The following FBXL17 variants were observed in gnomAD, a reference collection of about 807,000 sequenced individuals.
FBXL17 encodes the protein F-box and leucine rich repeat protein 17.
FBXL17 carries 22 observed loss-of-function variants against 66.2 expected under a neutral mutation model. The ratio of observed to expected loss-of-function variants is 0.33; its 90% CI spans 0.24 to 0.47. The LOEUF (loss-of-function observed/expected upper bound fraction) is 0.47. Ranked by LOEUF, FBXL17 falls within the 20% of genes least tolerant of loss-of-function variation. FBXL17 has a pLI of 1.00. For synonymous variants in FBXL17, 474 were observed against 400.5 expected, an observed-to-expected ratio of 1.18 and a Z score of -2.19; for missense variants, 878 against 948.2, an observed-to-expected ratio of 0.93 and a Z score of 0.97.
intron 7 of FBXL17, among the ~76,000 whole-genome samples, chr5:107,934,637 A>T (rs1359148835): frequency 6.6e-6 from 1 of 152,144 alleles, no homozygotes; most frequent in Admixed American, 6.6e-5. Flanking sequence ...TATTTTGCAG[A>T]CTAGCTCTGG....
chr5:108,172,477 C>T (rs539994462), intron 6 of FBXL17, among the ~76,000 whole-genome samples: 63 of 152,310 alleles, frequency 4.1e-4, no homozygotes, highest in African/African-American at 1.4e-3. Context: ...TGTGTCTATA[C>T]TTTGACATCT....
intron 4 of FBXL17, among the ~76,000 whole-genome samples, chr5:108,231,705 C>G (rs189965526): frequency 9.8e-4 from 149 of 152,198 alleles, no homozygotes; most frequent in African/African-American, 3.3e-3. Context: ...TTTAAGTCAA[C>G]AGGCTAAGAA....
At chr5:108,280,745 T>G (rs1032928451) in intron 4 of FBXL17, among the ~76,000 whole-genome samples, 1 of 141,586 alleles carries the variant, frequency 7.1e-6, no homozygotes, top group Non-Finnish European at 1.6e-5. Flanking sequence ...AAAAAAAACA[T>G]GATCCAACTA....
intron 6 of FBXL17, among the ~76,000 whole-genome samples, chr5:108,169,135 T>C (rs1752515925): frequency 6.6e-6 from 1 of 152,176 alleles, no homozygotes; most frequent in Non-Finnish European, 1.5e-5. Context: ...TTCACTATTA[T>C]GTCCTACTTA....
chr5:108,135,395 G>C (rs1751094348), intron 6 of FBXL17, among the ~76,000 whole-genome samples: 1 of 152,138 alleles, frequency 6.6e-6, no homozygotes, highest in Admixed American at 6.6e-5. Flanking sequence ...ACCCTTACAT[G>C]TAAAAGGGTA....
At chr5:108,135,668 A>G (rs1751104056) in intron 6 of FBXL17, among the ~76,000 whole-genome samples, 1 of 152,144 alleles carries the variant, frequency 6.6e-6, no homozygotes. Context: ...AGGGGAAAAA[A>G]GGTCTTTGTT....
intron 7 of FBXL17, among the ~76,000 whole-genome samples, chr5:107,958,849 T>C (rs1751774047): frequency 6.6e-6 from 1 of 152,198 alleles, no homozygotes; most frequent in Admixed American, 6.5e-5. Flanking sequence ...AATCCTGTCA[T>C]AATGCTGAGA....
Position 108,362,687 on chromosome 5 carries a change from C to T in FBXL17, c.1374+2051G>A, listed in dbSNP as rs142678568. Among the ~76,000 whole-genome samples, 409 of 151,834 alleles carry T rather than the reference C, an allele frequency of 2.7e-3. 4 individuals are homozygous for T. The highest frequency in any genetic ancestry group is 9.4e-3 in the African/African-American group (390 of 41,408). On this transcript the variant is annotated intron_variant, in intron 3 of 8. Transcript: ENST00000542267. ...TTAAGAAATATTGTTAAGCAGAATC[C>T]AATAGTTAAAACATTAGAGTCTACA...
At chr5:108,062,807 T>C (rs1747975963) in intron 6 of FBXL17, among the ~76,000 whole-genome samples, 1 of 152,098 alleles carries the variant, frequency 6.6e-6, no homozygotes, top group Admixed American at 6.6e-5. Context: ...CACAAAGAAG[T>C]AACTGCAAAA....
intron 5 of FBXL17, among the ~76,000 whole-genome samples, chr5:108,204,069 A>G (rs996073086): frequency 6.6e-6 from 1 of 152,180 alleles, no homozygotes. Flanking sequence ...AATATAAAAC[A>G]AAACTCAACC....
chr5:107,876,976 G>C (rs1437086522), intron 8 of FBXL17, among the ~76,000 whole-genome samples: 2 of 152,154 alleles, frequency 1.3e-5, no homozygotes, highest in African/African-American at 4.8e-5. Context: ...GTGATTTCGG[G>C]TCAACTCTAA....
chr5:108,049,259 T>C (rs979154845), intron 6 of FBXL17, among the ~76,000 whole-genome samples: 10 of 151,646 alleles, frequency 6.6e-5, no homozygotes, highest in African/African-American at 2.2e-4. Flanking sequence ...TCCCCTGCCT[T>C]AGCCTCCCAA....
intron 5 of FBXL17, among the ~76,000 whole-genome samples, chr5:108,198,290 C>T (rs1753759389): frequency 6.6e-6 from 1 of 152,110 alleles, no homozygotes; most frequent in African/African-American, 2.4e-5. Context: ...AAAATGTATA[C>T]ATAATTCTCC....
At chr5:108,306,236 C>A (rs73214586) in intron 4 of FBXL17, among the ~76,000 whole-genome samples, 2,473 of 152,056 alleles carry the variant, frequency 0.016, 64 homozygotes, top group African/African-American at 0.054. Flanking sequence ...CTTCCAACTG[C>A]CTCAAGTAGG....
intron 6 of FBXL17, among the ~76,000 whole-genome samples, chr5:108,149,061 G>T (rs572147174): frequency 6.6e-6 from 1 of 152,218 alleles, no homozygotes; most frequent in South Asian, 2.1e-4. Context: ...AAAGCACATG[G>T]CAAATGACAG....
rs190201881 is a variant in FBXL17 at position 108,068,408 on chromosome 5, C to T, written c.1746-47407G>A. Among the ~76,000 whole-genome samples, 10 of 149,616 alleles carry T rather than the reference C, an allele frequency of 6.7e-5. No individual in the cohort carries two copies. In the East Asian group the frequency reaches 2.0e-3, roughly 29 times the overall value. On this transcript the variant is annotated intron_variant, in intron 6 of 8. Transcript: ENST00000542267. ...GTCCCCCAAAAAGTACTCTTTATAC[C>T]CATAAAATCTAAATACTCCTAATTT...
intron 2 of FBXL17, among the ~76,000 whole-genome samples, chr5:108,367,222 A>C (rs534941868): frequency 6.6e-6 from 1 of 152,260 alleles, no homozygotes; most frequent in South Asian, 2.1e-4. Context: ...CAAGTCAAAA[A>C]AACTGTTTGC....
At chr5:108,202,486 C>A (rs1753937455) in intron 5 of FBXL17, among the ~76,000 whole-genome samples, 1 of 152,088 alleles carries the variant, frequency 6.6e-6, no homozygotes, top group South Asian at 2.1e-4. Context: ...CTAATTTGGG[C>A]AGTAATAATA....
At chr5:107,966,534 C>T (rs1752148038) in intron 7 of FBXL17, among the ~76,000 whole-genome samples, 1 of 152,120 alleles carries the variant, frequency 6.6e-6, no homozygotes, top group Non-Finnish European at 1.5e-5. Flanking sequence ...CTACCCACAC[C>T]TTCACTACCT....
Sources: allele counts gnomAD v4.1 joint callset (sites outside exome capture counted in the v4.1 genomes callset), GRCh38; gene constraint gnomAD v4.1.1; transcripts MANE v1.5; gene names NCBI Gene and HGNC (gene_info 2026-07-23, HGNC 2026-07-21).